The following DHX30 variants were observed in gnomAD, a reference collection of about 807,000 sequenced individuals.
DHX30 encodes ATP-dependent RNA helicase DHX30.
Under a neutral mutation model 116.9 loss-of-function variants are expected in DHX30, and 4 were observed. The ratio of observed to expected loss-of-function variants is 0.03; its 90% CI spans 0.02 to 0.08. The LOEUF is 0.08. Ranked by LOEUF, DHX30 falls within the 10% of genes least tolerant of loss-of-function variation. DHX30 has a pLI of 1.00. For synonymous variants in DHX30, 697 were observed against 651.7 expected, an observed-to-expected ratio of 1.07 and a Z score of -1.06; for missense variants, 871 against 1,595.1, an observed-to-expected ratio of 0.55 and a Z score of 7.73.
chr3:47,849,290 G>C lies in DHX30; in HGVS notation c.3028G>C (p.Glu1010Gln), dbSNP rs1287580047. 1.2e-6 allele frequency: 2 copies of C among 1,614,002 alleles called. No homozygotes were observed. The highest frequency in any genetic ancestry group is 2.7e-5 in the African/African-American group (2 of 74,928). Residue 1010 changes from glutamate (E) to glutamine (Q), a missense_variant, in exon 19 of 22, where the codon GAG becomes CAG. Physicochemically the swap from Glu to Gln is conservative, Grantham distance 29 (BLOSUM62 2). Around this residue, in one of 13 missense-constraint regions of DHX30, gnomAD observed 238 missense variants for 481.0 expected, o/e 0.49. Transcript: ENST00000445061. ...LASAQCNEYS[E>Q]EEELVKGVLM... ...CTCCGCCCAGTGCAACGAGTACAGT[G>C]AGGAGGAGGAGCTGGTGAAGGGCGT...
chr3:47,826,495 G>T (rs1466802380), intron 4 of DHX30, among the ~76,000 whole-genome samples: 3 of 150,374 alleles, frequency 2.0e-5, no homozygotes, highest in Non-Finnish European at 4.4e-5. Flanking sequence ...GCCCAGGCTG[G>T]ATTGCAGTGG....
intron 6 of DHX30, 78 bp from the exon 7 acceptor site, chr3:47,840,799 G>A (rs1417415419): frequency 7.6e-6 from 12 of 1,571,714 alleles, no homozygotes; most frequent in Admixed American, 3.5e-5. Flanking sequence ...ACAACTTAAC[G>A]GTGTAGCTGG....
At chr3:47,839,779 G>A (rs1353104471) in intron 6 of DHX30, among the ~76,000 whole-genome samples, 2 of 151,530 alleles carry the variant, frequency 1.3e-5, no homozygotes, top group African/African-American at 4.9e-5. Context: ...AGGTTCAAGC[G>A]ATTCTCCTGT....
At chr3:47,837,747 T>TGA (rs2037189086) in intron 6 of DHX30, among the ~76,000 whole-genome samples, 1 of 151,910 alleles carries the variant, frequency 6.6e-6, no homozygotes, top group Non-Finnish European at 1.5e-5. Flanking sequence ...GGTGACAGAG[T>TGA]GAGACTCTGT....
At position 47,843,210 on chromosome 3, in the gene DHX30, A is replaced by G. The variant is rs1453394737; in HGVS notation, c.894A>G (p.Ala298=). ...MTFVAKGRRK[A]EAENKAAALA... is the part of the protein sequence containing the mutation. The stretch of plus-strand genomic sequence containing the variant: ...TTGTTGCCAAAGGGCGCCGCAAAGC[A>G]GAGGCTGAGAATAAGGCGGCAGCCT... Residue 298 remains alanine, a synonymous_variant, in exon 9 of 22, where the codon GCA becomes GCG. Transcript: ENST00000445061. The G allele has an allele frequency of 1.2e-6, 2 of 1,614,280 alleles. No individual in the cohort carries two copies. The highest frequency in any genetic ancestry group is 2.7e-5 in the African/African-American group (2 of 75,080).
At chr3:47,845,397 G>A (rs1290638112) in intron 9 of DHX30, 2 of 187,390 alleles carry the variant, frequency 1.1e-5, no homozygotes, top group Non-Finnish European at 2.2e-5. Flanking sequence ...ATGTTAGCCA[G>A]GCTGGTCTCG....
intron 6 of DHX30, among the ~76,000 whole-genome samples, chr3:47,833,503 G>T (rs2036956084): frequency 1.6e-5 from 2 of 128,314 alleles, no homozygotes; most frequent in South Asian, 5.0e-4. Flanking sequence ...CTGACCTCCA[G>T]CCTGGGCAGC....
intron 1 of DHX30, among the ~76,000 whole-genome samples, chr3:47,803,420 C>T (rs2035376907): frequency 6.6e-6 from 1 of 152,082 alleles, no homozygotes; most frequent in African/African-American, 2.4e-5. Context: ...CAGGCCTCGG[C>T]CTGCCGTTGC....
At chr3:47,849,403 C>G (rs2037896798) in intron 19 of DHX30, 48 bp from the exon 20 acceptor site, 2 of 1,580,768 alleles carry the variant, frequency 1.3e-6, no homozygotes, top group Admixed American at 3.5e-5. Context: ...CCTTCCCTGT[C>G]TGCAGCTCCT....
At chr3:47,840,842 G>GTA (rs2037340800) in intron 6 of DHX30, 35 bp from the exon 7 acceptor site, 1 of 1,613,334 alleles carries the variant, frequency 6.2e-7, no homozygotes, top group Non-Finnish European at 8.5e-7. Flanking sequence ...TGTAAAGATG[G>GTA]TATCAATCCT....
At chr3:47,832,940 CTTTTTTTTTT>C (rs752858732) in intron 6 of DHX30, among the ~76,000 whole-genome samples, 1 of 118,732 alleles carries the variant, frequency 8.4e-6, no homozygotes, top group African/African-American at 3.2e-5. Context: ...TGCCTGGCCT[CTTTTTTTTTT>C]TTTTTTTTTT....
In DHX30 at chr3:47,818,164, TG is replaced by T; in HGVS notation, c.124+51del. The stretch of plus-strand genomic sequence containing the variant: ...CAGCAACAGCTTGGTCCAGGGTCTG[TG>T]GGGAGGTGGGTGGCAATGGGAGCCC... On this transcript the variant is annotated intron_variant, in intron 4 of 21. Coordinates refer to ENST00000445061, the MANE Select transcript of DHX30 (RefSeq NM_138615.3). 5.3e-6 allele frequency: 4 copies of T among 754,216 alleles called. 1 individual carries two copies. Among genetic ancestry groups the T allele is most frequent in the Non-Finnish European group, 9.9e-6 (4 of 402,366 alleles). The allele number at this position is 754,216 out of a possible 1,614,324, so 46.7% of individuals were successfully genotyped here.
intron 4 of DHX30, 39 bp from the exon 5 acceptor site, chr3:47,827,308 A>G (rs1284906001): frequency 2.5e-6 from 4 of 1,573,938 alleles, no homozygotes; most frequent in African/African-American, 1.4e-5. Flanking sequence ...TTTTAAAAGA[A>G]AAAGAACAAC....
At chr3:47,826,655 C>G in intron 4 of DHX30, among the ~76,000 whole-genome samples, 1 of 152,124 alleles carries the variant, frequency 6.6e-6, no homozygotes, top group East Asian at 1.9e-4. Flanking sequence ...CAAGGTTTCA[C>G]TATGTTGGCC....
At chr3:47,833,561 AAGAG>A (rs2036966224) in intron 6 of DHX30, among the ~76,000 whole-genome samples, 1 of 134,290 alleles carries the variant, frequency 7.4e-6, no homozygotes, top group African/African-American at 2.7e-5. Context: ...AAAAAAAAGA[AAGAG>A]CACCTAAAAT....
chr3:47,849,937 C>T lies in DHX30; in HGVS notation c.3402C>T (p.Thr1134=), dbSNP rs764110747. The change falls in exon 22 of 22, where the codon ACC becomes ACT. Residue 1134 remains threonine, a synonymous_variant. Coordinates refer to ENST00000445061, the MANE Select transcript of DHX30 (RefSeq NM_138615.3). ...DLLRLEGDSR[T]VRLLKELRRA... is the part of the protein sequence containing the mutation. ...TGCGGCTGGAGGGTGACTCGCGTAC[C>T]GTGCGGCTGCTGAAGGAGCTGCGGC... is the stretch of plus-strand genomic sequence containing the variant. The T allele has an allele frequency of 2.1e-5, 34 of 1,613,108 alleles. No homozygotes were observed. Among genetic ancestry groups the T allele is most frequent in the South Asian group, 2.2e-5 (2 of 91,048 alleles).
intron 4 of DHX30, among the ~76,000 whole-genome samples, chr3:47,819,793 C>CA (rs1299660805): frequency 6.6e-6 from 1 of 152,178 alleles, no homozygotes; most frequent in Non-Finnish European, 1.5e-5. Context: ...CCCCTTCCTC[C>CA]ACTGCCAATG....
At chr3:47,823,980 A>G (rs1049202752) in intron 4 of DHX30, among the ~76,000 whole-genome samples, 1 of 144,334 alleles carries the variant, frequency 6.9e-6, no homozygotes, top group Admixed American at 7.0e-5. Context: ...CAGCTTTCAG[A>G]TACCATTTTC....
At chr3:47,816,800 C>T (rs1576469819) in intron 3 of DHX30, 1 of 985,284 alleles carries the variant, frequency 1.0e-6, no homozygotes, top group Non-Finnish European at 1.2e-6. Flanking sequence ...ACTTGCTTCT[C>T]CCCTAACATT....
Sources: gnomAD v4.1 joint callset for allele counts (sites outside exome capture counted in the v4.1 genomes callset) on GRCh38, gnomAD v4.1.1 for gene constraint, gnomAD v4.1.1 regional missense constraint, MANE v1.5 for transcripts, NCBI Gene and HGNC (gene_info 2026-07-23, HGNC 2026-07-21) for gene names.